Variants in CD47 observed in about 807,000 individuals in gnomAD.
CD47 encodes leukocyte surface antigen CD47.
A neutral mutation model predicts 44.6 loss-of-function variants in CD47; 11 were observed. The observed-to-expected ratio is 0.25, with a 90% CI of 0.16 to 0.41. The LOEUF is 0.41. Ranked by LOEUF, CD47 falls within the 10% of genes least tolerant of loss-of-function variation. The pLI, the probability that CD47 is intolerant of heterozygous loss-of-function variation, is 1.00. For missense variants in CD47, 306 were observed against 386.7 expected (o/e 0.79, Z 1.75); for synonymous variants, 140 against 136.3 (o/e 1.03, Z -0.19).
At chr3:108,052,517 T>G (rs2078845983) in intron 7 of CD47, 1 of 153,004 alleles carries the variant, frequency 6.5e-6, no homozygotes, top group Non-Finnish European at 1.5e-5. Context: ...CTATTTCTTC[T>G]TAGCTTTCTG....
chr3:108,061,981 T>C (rs908891062), intron 3 of CD47, among the ~76,000 whole-genome samples: 1 of 152,338 alleles, frequency 6.6e-6, no homozygotes. Flanking sequence ...TTAAGGTATA[T>C]GACAGGTACC....
At chr3:108,075,158 C>T (rs2079286660) in intron 2 of CD47, among the ~76,000 whole-genome samples, 3 of 152,186 alleles carry the variant, frequency 2.0e-5, no homozygotes, top group Admixed American at 2.0e-4. Flanking sequence ...TCTACCCAAG[C>T]TATGGCTGAC....
chr3:108,087,641 C>T (rs1481377627), intron 1 of CD47, among the ~76,000 whole-genome samples: 1 of 152,064 alleles, frequency 6.6e-6, no homozygotes, highest in Non-Finnish European at 1.5e-5. Context: ...TTTTGACAGG[C>T]CTTGAACTAG....
intron 7 of CD47, chr3:108,055,535 C>T: frequency 7.7e-7 from 1 of 1,303,986 alleles, no homozygotes; most frequent in Non-Finnish European, 1.0e-6. Flanking sequence ...CTCTTCTTGC[C>T]TTTCAACTGA....
At chr3:108,055,522 T>C (rs901156679) in intron 7 of CD47, 2 of 1,302,054 alleles carry the variant, frequency 1.5e-6, no homozygotes, top group Non-Finnish European at 2.0e-6. Flanking sequence ...TCCTGTACCT[T>C]GTCTCTTCTT....
chr3:108,076,550 G>A (rs1361111055), intron 2 of CD47, among the ~76,000 whole-genome samples: 1 of 152,100 alleles, frequency 6.6e-6, no homozygotes, highest in African/African-American at 2.4e-5. Flanking sequence ...TTTAATTCTT[G>A]GCTATTACTC....
At chr3:108,080,567 T>C (rs1246723040) in intron 1 of CD47, among the ~76,000 whole-genome samples, 5 of 151,922 alleles carry the variant, frequency 3.3e-5, no homozygotes, top group Non-Finnish European at 7.4e-5. Context: ...CTTTATTCAT[T>C]CTCAATAATA....
At chr3:108,076,414 T>C (rs933008926) in intron 2 of CD47, among the ~76,000 whole-genome samples, 1 of 152,274 alleles carries the variant, frequency 6.6e-6, no homozygotes, top group Non-Finnish European at 1.5e-5. Context: ...AGAACAGAAA[T>C]ATTAATGATA....
chr3:108,062,642 CTTT>C (rs774152967), intron 3 of CD47, among the ~76,000 whole-genome samples: 5 of 138,086 alleles, frequency 3.6e-5, no homozygotes, highest in Admixed American at 7.3e-5. Context: ...TTTTTCTTTT[CTTT>C]TTTTTTTTTT....
At chr3:108,078,901 T>C (rs1183847339) in intron 2 of CD47, among the ~76,000 whole-genome samples, 6 of 152,070 alleles carry the variant, frequency 3.9e-5, no homozygotes, top group Non-Finnish European at 8.8e-5. Flanking sequence ...CAAGTATCTA[T>C]TGTCATCTCC....
At position 108,044,675 on chromosome 3, in the gene CD47, G is replaced by A. The variant is rs1233704335; in HGVS notation, c.*2613C>T. The A allele has an allele frequency of 1.3e-5, 2 of 152,142 alleles. No homozygotes were observed. Among genetic ancestry groups the A allele is most frequent in the African/African-American group, 4.8e-5 (2 of 41,442 alleles). 9.4% of individuals were successfully genotyped at this position (152,142 alleles called of 1,614,324 possible). ...AAAACTAATAGAACTAAGCAGAGAT[G>A]CATAAAGTACTATAGGAATGGTAAG... On this transcript the variant is annotated 3_prime_UTR_variant, in exon 11 of 11. Coordinates refer to ENST00000361309, the MANE Select transcript of CD47 (RefSeq NM_001777.4).
intron 1 of CD47, among the ~76,000 whole-genome samples, chr3:108,086,722 T>G (rs1360676953): frequency 6.6e-6 from 1 of 152,080 alleles, no homozygotes; most frequent in Non-Finnish European, 1.5e-5. Context: ...CAAGGACATT[T>G]TGGTTCTTGA....
intron 3 of CD47, among the ~76,000 whole-genome samples, chr3:108,067,967 G>T (rs977142468): frequency 6.6e-6 from 1 of 152,168 alleles, no homozygotes; most frequent in African/African-American, 2.4e-5. Flanking sequence ...CCTGGTAAAG[G>T]TCCAGGTTTG....
intron 7 of CD47, chr3:108,053,920 CA>C (rs2078871376): frequency 6.6e-6 from 1 of 152,194 alleles, no homozygotes; most frequent in South Asian, 2.1e-4. Context: ...TATTTGGGAA[CA>C]TCAGGATAGT....
chr3:108,079,862 CA>C (rs2108265630), intron 2 of CD47, 128 bp downstream of exon 2: 1 of 610,834 alleles, frequency 1.6e-6, no homozygotes, highest in African/African-American at 1.8e-5. Flanking sequence ...CTAAACATTA[CA>C]TCAACATTTA....
intron 2 of CD47, among the ~76,000 whole-genome samples, chr3:108,075,141 T>A (rs1017858715): frequency 2.4e-4 from 37 of 152,202 alleles, no homozygotes; most frequent in Non-Finnish European, 1.2e-4. Flanking sequence ...GACATTCACA[T>A]CCTTATTCTA....
intron 1 of CD47, among the ~76,000 whole-genome samples, chr3:108,082,971 A>T (rs2079445978): frequency 6.6e-6 from 1 of 152,024 alleles, no homozygotes; most frequent in African/African-American, 2.4e-5. Context: ...AAGATGCATT[A>T]AAAAACTATT....
At chr3:108,090,645 G>A (rs2108280254) in intron 1 of CD47, among the ~76,000 whole-genome samples, 1 of 152,296 alleles carries the variant, frequency 6.6e-6, no homozygotes, top group Middle Eastern at 3.4e-3. Flanking sequence ...TCTCACCCAG[G>A]GGGAAGAAGA....
intron 3 of CD47, among the ~76,000 whole-genome samples, chr3:108,069,395 G>C (rs990874821): frequency 8.6e-5 from 13 of 151,638 alleles, no homozygotes; most frequent in Non-Finnish European, 1.6e-4. Flanking sequence ...TCCATTTATG[G>C]TTACCTTTTT....
Sources: gnomAD v4.1 joint callset for allele counts (sites outside exome capture counted in the v4.1 genomes callset) on GRCh38, gnomAD v4.1.1 for gene constraint, MANE v1.5 for transcripts, NCBI Gene and HGNC (gene_info 2026-07-23, HGNC 2026-07-21) for gene names.